MYOCD: variants seen among roughly 807,000 people sequenced by gnomAD.
MYOCD encodes myocardin.
A neutral mutation model predicts 96.1 loss-of-function variants in MYOCD; 32 were observed. The ratio of observed to expected loss-of-function variants is 0.33; its 90% CI spans 0.25 to 0.45. The LOEUF (loss-of-function observed/expected upper bound fraction) is 0.45. Ranked by LOEUF, MYOCD falls within the 20% of genes least tolerant of loss-of-function variation. The probability of loss-of-function intolerance (pLI) is 1.00; values close to 1 mark genes in which losing one functional copy is unlikely to be tolerated. For missense variants in MYOCD, 1,133 were observed against 1,200.6 expected (o/e 0.94, Z 0.83); for synonymous variants, 469 against 469.0 (o/e 1.00, Z 0.00).
chr17:12,674,282 A>C (rs1909883290), intron 1 of MYOCD, among the ~76,000 whole-genome samples: 1 of 152,080 alleles, frequency 6.6e-6, no homozygotes, highest in Non-Finnish European at 1.5e-5. Flanking sequence ...CACATACCTG[A>C]CCCAGTAGAT....
Position 12,763,492 on chromosome 17 carries a change from A to G in MYOCD, c.2809A>G (p.Thr937Ala). ...AAGCTTCACTGAATCTCCCTGGGAA[A>G]CCATGGAGTGGCTGGACCTCACTCC... ...QLSFTESPWE[T>A]MEWLDLTPPN... The change falls in exon 14 of 14, where the codon ACC (threonine) becomes GCC (alanine). Residue 937 changes from threonine (T) to alanine (A), a missense_variant. By Grantham distance (58) the Thr-to-Ala change is moderately conservative. Transcript: ENST00000425538. The G allele has an allele frequency of 6.2e-7, 1 of 1,614,170 alleles. No homozygotes were observed. The highest frequency in any genetic ancestry group is 1.1e-5 in the South Asian group (1 of 91,088).
chr17:12,707,027 C>G (rs4141222), intron 2 of MYOCD, among the ~76,000 whole-genome samples: 60,984 of 151,948 alleles, frequency 0.4, 14,271 homozygotes, highest in African/African-American at 0.64. Flanking sequence ...GTCCAAGTCA[C>G]GGCTGGTGCA....
rs1376139051 is a variant in MYOCD at position 12,722,899 on chromosome 17, C to T, written c.306C>T (p.Ala102=). The change falls in exon 5 of 14, where the codon GCC becomes GCT. Residue 102 remains alanine, a synonymous_variant. Coordinates refer to ENST00000425538, the MANE Select transcript of MYOCD (RefSeq NM_001146312.3). ...CTGCTCAGATGAAGCTGAAAAGAGC[C>T]CGACTCGCCGATGATCTCAATGAAA... ...IPTAQMKLKR[A]RLADDLNEKI... is the part of the protein sequence containing the mutation. 6.2e-7 allele frequency: 1 copy of T among 1,613,994 alleles called. No individual in the cohort carries two copies. The highest frequency in any genetic ancestry group is 2.2e-5 in the East Asian group (1 of 44,872).
intron 13 of MYOCD, chr17:12,761,012 T>G: frequency 3.6e-6 from 1 of 278,808 alleles, no homozygotes; most frequent in Non-Finnish European, 6.8e-6. Context: ...CTTTCTATGT[T>G]CTAATCTCAA....
At chr17:12,723,288 A>G (rs990925745) in intron 5 of MYOCD, among the ~76,000 whole-genome samples, 22 of 152,178 alleles carry the variant, frequency 1.4e-4, no homozygotes, top group African/African-American at 5.3e-4. Flanking sequence ...CATCTCCCCT[A>G]TAAGACATCC....
intron 2 of MYOCD, among the ~76,000 whole-genome samples, chr17:12,710,964 T>A (rs578015377): frequency 2.2e-4 from 33 of 152,170 alleles, no homozygotes; most frequent in Non-Finnish European, 3.7e-4. Flanking sequence ...TGTACCCTCC[T>A]TCTGAGAAAT....
In MYOCD at chr17:12,763,090, A is replaced by C; in HGVS notation, c.2407A>C (p.Arg803=). 6.2e-7 allele frequency: 1 copy of C among 1,612,176 alleles called. No individual in the cohort carries two copies. The highest frequency in any genetic ancestry group is 8.5e-7 in the Non-Finnish European group (1 of 1,179,310). Residue 803 remains arginine (R), a synonymous_variant, in exon 14 of 14, where the codon AGA becomes CGA. Coordinates refer to ENST00000425538, the MANE Select transcript of MYOCD (RefSeq NM_001146312.3). ...GCCCACAGAAATGCCAGCAGACGCT[A>C]GAGAGGATCACTCATGTCTTCAAAA... ...IESGEMPADA[R]EDHSCLQKVP... is the part of the protein sequence containing the mutation.
chr17:12,705,348 T>C lies in MYOCD; in HGVS notation c.121+155T>C, dbSNP rs950410830. ...AGCAGAAATCCCAGACCTTGGATGC[T>C]TTGCCCCGACTGCTACCTACTCACC... On this transcript the variant is annotated intron_variant, in intron 2 of 13. Coordinates refer to ENST00000425538, the MANE Select transcript of MYOCD (RefSeq NM_001146312.3). 5.3e-6 allele frequency: 3 copies of C among 566,716 alleles called. No individual in the cohort carries two copies. The African/African-American group carries it at 5.7e-5, about 11-fold the overall frequency. 35.1% of individuals were successfully genotyped at this position (566,716 alleles called of 1,614,324 possible). A position where few individuals can be genotyped will look rare whatever the true frequency, so the allele number is the denominator to read the frequency against.
chr17:12,735,963 C>T (rs191864567), intron 5 of MYOCD, among the ~76,000 whole-genome samples, 198 bp from the exon 6 acceptor site: 90 of 152,308 alleles, frequency 5.9e-4, no homozygotes, highest in Admixed American at 2.0e-3. Flanking sequence ...TTTGATAGAG[C>T]ACTCTTTCCT....
Position 12,752,841 on chromosome 17 carries a change from A to C in MYOCD, c.1553A>C (p.Asp518Ala). The change falls in exon 10 of 14, where the codon GAC becomes GCC. Residue 518 changes from aspartate (D) to alanine (A), a missense_variant. Asp to Ala is a moderately radical substitution (Grantham distance 126). Coordinates refer to ENST00000425538, the MANE Select transcript of MYOCD (RefSeq NM_001146312.3). ...SELDGLDSEKDKMLVEKQKVI... is the reference protein window; with the variant it reads ...SELDGLDSEKAKMLVEKQKVI... ...CTGGATGGGCTGGACTCCGAGAAGGACAAGATGCTGGTGGAGAAGCAGAAG... is the reference window on the plus strand; with the variant it reads ...CTGGATGGGCTGGACTCCGAGAAGGCCAAGATGCTGGTGGAGAAGCAGAAG... 1.2e-6 allele frequency: 2 copies of C among 1,614,058 alleles called. No individual in the cohort carries two copies. Among genetic ancestry groups the C allele is most frequent in the African/African-American group, 2.7e-5 (2 of 75,020 alleles).
intron 1 of MYOCD, among the ~76,000 whole-genome samples, chr17:12,702,555 A>G (rs2031121212): frequency 2.0e-5 from 3 of 152,056 alleles, no homozygotes; most frequent in South Asian, 2.1e-4. Flanking sequence ...AATTATTGGC[A>G]TGGTTGGATT....
intron 12 of MYOCD, among the ~76,000 whole-genome samples, chr17:12,758,490 C>T (rs1296770751): frequency 6.6e-6 from 1 of 152,202 alleles, no homozygotes; most frequent in Non-Finnish European, 1.5e-5. Context: ...CTTCACCTCT[C>T]TTATGCAAAA....
chr17:12,715,543 A>G lies in MYOCD; in HGVS notation c.146A>G (p.His49Arg), dbSNP rs368448973. The G allele has an allele frequency of 7.4e-5, 119 of 1,613,528 alleles. No individual in the cohort carries two copies. The highest frequency in any genetic ancestry group is 9.2e-5 in the Non-Finnish European group (108 of 1,179,768). The stretch of plus-strand genomic sequence containing the variant: ...GCACTGAAACGTCCAGCTGAATTCC[A>G]TGAGCAAAGAAAACATTTGGATAGT... ...IPPLKRPAEF[H>R]EQRKHLDSDK... Residue 49 changes from histidine (H) to arginine (R), a missense_variant, in exon 3 of 14, where the codon CAT (histidine) becomes CGT (arginine). Transcript: ENST00000425538.
At chr17:12,691,822 C>T (rs943398257) in intron 1 of MYOCD, among the ~76,000 whole-genome samples, 2 of 152,092 alleles carry the variant, frequency 1.3e-5, no homozygotes, top group African/African-American at 4.8e-5. Flanking sequence ...AAGTTTATAA[C>T]TCTATGGCCT....
intron 1 of MYOCD, among the ~76,000 whole-genome samples, chr17:12,702,311 T>C (rs1342645207): frequency 6.6e-6 from 1 of 152,048 alleles, no homozygotes; most frequent in Non-Finnish European, 1.5e-5. Flanking sequence ...TATTTATCTC[T>C]GACAAAATAG....
At chr17:12,752,208 C>T (rs1023200878) in intron 9 of MYOCD, among the ~76,000 whole-genome samples, 8 of 152,044 alleles carry the variant, frequency 5.3e-5, no homozygotes, top group Non-Finnish European at 1.0e-4. Flanking sequence ...ATGAAAACAC[C>T]GTATACGATA....
chr17:12,728,926 A>G (rs2032083840), intron 5 of MYOCD, among the ~76,000 whole-genome samples: 2 of 152,210 alleles, frequency 1.3e-5, no homozygotes, highest in South Asian at 4.1e-4. Context: ...CATTTCTATC[A>G]TTTACATTTA....
chr17:12,728,829 A>G (rs2032080571), intron 5 of MYOCD, among the ~76,000 whole-genome samples: 2 of 152,310 alleles, frequency 1.3e-5, no homozygotes, highest in East Asian at 1.9e-4. Context: ...CCCCATTGTC[A>G]AACCTAAATT....
At chr17:12,741,917 G>C (rs1186317768) in intron 7 of MYOCD, among the ~76,000 whole-genome samples, 1 of 151,910 alleles carries the variant, frequency 6.6e-6, no homozygotes, top group Non-Finnish European at 1.5e-5. Flanking sequence ...TGTCCCCTGG[G>C]CTCAAAAAGA....
Sources: gnomAD v4.1 joint callset for allele counts (sites outside exome capture counted in the v4.1 genomes callset) on GRCh38, gnomAD v4.1.1 for gene constraint, MANE v1.5 for transcripts, NCBI Gene and HGNC (gene_info 2026-07-23, HGNC 2026-07-21) for gene names.